PDSS2: variants seen among roughly 807,000 people sequenced by gnomAD.
The protein encoded by PDSS2 is decaprenyl diphosphate synthase subunit 2.
Under a neutral mutation model 44.5 loss-of-function variants are expected in PDSS2, and 31 were observed. The observed-to-expected ratio is 0.70, with a 90% CI of 0.52 to 0.94. The LOEUF (loss-of-function observed/expected upper bound fraction) is 0.94. PDSS2 is among the 40% of genes least tolerant of loss of function. The probability of loss-of-function intolerance (pLI) is 0.00; values close to 1 mark genes in which losing one functional copy is unlikely to be tolerated. For missense variants in PDSS2, 452 were observed against 482.2 expected (o/e 0.94, Z 0.59); for synonymous variants, 157 against 180.3 (o/e 0.87, Z 1.03).
At chr6:107,262,126 C>G (rs976751252) in intron 3 of PDSS2, among the ~76,000 whole-genome samples, 1 of 151,030 alleles carries the variant, frequency 6.6e-6, no homozygotes. Context: ...GCCAGGATGG[C>G]CTCGATCTCC....
intron 1 of PDSS2, among the ~76,000 whole-genome samples, chr6:107,334,545 GTTGTTGTTGTTT>G (rs1777817830): frequency 7.6e-6 from 1 of 132,050 alleles, no homozygotes; most frequent in African/African-American, 2.6e-5. Context: ...TGTTGTTGTT[GTTGTTGTTGTTT>G]TTGAGACAGG....
intron 1 of PDSS2, among the ~76,000 whole-genome samples, chr6:107,438,462 G>A (rs765983892): frequency 1.5e-4 from 23 of 152,182 alleles, no homozygotes; most frequent in Admixed American, 7.2e-4. Context: ...CAATCTACGC[G>A]CCTCGGCCTC....
intron 4 of PDSS2, among the ~76,000 whole-genome samples, chr6:107,245,331 C>T (rs1328622226): frequency 6.9e-6 from 1 of 145,922 alleles, no homozygotes; most frequent in East Asian, 2.1e-4. Flanking sequence ...GACTGTGAAT[C>T]CAGCCAGAGG....
chr6:107,392,513 T>C (rs1779816092), intron 1 of PDSS2, among the ~76,000 whole-genome samples: 1 of 152,190 alleles, frequency 6.6e-6, no homozygotes, highest in Non-Finnish European at 1.5e-5. Flanking sequence ...TAGATACAAT[T>C]TTAAAGTAAC....
chr6:107,290,759 C>T (rs1362834587), intron 2 of PDSS2, among the ~76,000 whole-genome samples: 2 of 152,174 alleles, frequency 1.3e-5, no homozygotes, highest in Admixed American at 1.3e-4. Flanking sequence ...CTTCCCTGGG[C>T]AAGCCATTTA....
At chr6:107,405,944 G>A (rs1317730499) in intron 1 of PDSS2, among the ~76,000 whole-genome samples, 2 of 151,820 alleles carry the variant, frequency 1.3e-5, no homozygotes, top group Non-Finnish European at 2.9e-5. Flanking sequence ...ACTAGAAATG[G>A]GTACAATGTA....
intron 1 of PDSS2, among the ~76,000 whole-genome samples, chr6:107,353,018 T>A (rs975961970): frequency 3.3e-5 from 5 of 152,220 alleles, no homozygotes; most frequent in African/African-American, 1.2e-4. Flanking sequence ...AACTATGTGC[T>A]CAATATGCAC....
chr6:107,442,846 C>T (rs1327937987), intron 1 of PDSS2, among the ~76,000 whole-genome samples: 3 of 152,200 alleles, frequency 2.0e-5, no homozygotes, highest in Non-Finnish European at 4.4e-5. Context: ...TCACTACTGC[C>T]TAAGTTTATA....
intron 1 of PDSS2, among the ~76,000 whole-genome samples, chr6:107,342,100 C>A (rs1042351162): frequency 3.3e-5 from 5 of 151,920 alleles, no homozygotes; most frequent in Admixed American, 6.6e-5. Context: ...TCACAGGACT[C>A]CCTGGCAAGG....
intron 7 of PDSS2, among the ~76,000 whole-genome samples, chr6:107,170,614 C>T (rs1392586198): frequency 1.0e-5 from 1 of 96,424 alleles, no homozygotes; most frequent in Non-Finnish European, 2.4e-5. Flanking sequence ...CCACCCCCCC[C>T]CCCCCACTTT....
At chr6:107,192,477 G>T in intron 7 of PDSS2, 1 of 419,474 alleles carries the variant, frequency 2.4e-6, no homozygotes, top group South Asian at 1.9e-5. Context: ...CTCCAAAAAA[G>T]CCAGAGACCA....
rs748640393 is a variant in PDSS2 at position 107,398,592 on chromosome 6, T to C, written c.296+60398A>G. Among the ~76,000 whole-genome samples the C allele has an allele frequency of 5.3e-5, 8 of 152,212 alleles. 1 individual carries two copies. Among genetic ancestry groups the C allele is most frequent in the Admixed American group, 3.3e-4 (5 of 15,286 alleles). ...AACCTAGCAAGTCTCCTAAGCACCA[T>C]GAGACTATAAGAGATTCAACTTGGC... On this transcript the variant is annotated intron_variant, in intron 1 of 7. Coordinates refer to ENST00000369037, the MANE Select transcript of PDSS2 (RefSeq NM_020381.4).
intron 5 of PDSS2, among the ~76,000 whole-genome samples, chr6:107,211,486 C>T (rs993580018): frequency 1.1e-4 from 17 of 151,440 alleles, no homozygotes; most frequent in Non-Finnish European, 2.2e-4. Flanking sequence ...AATCCCAGCA[C>T]TTTGGGAGGC....
At chr6:107,189,945 G>A (rs1772313847) in intron 7 of PDSS2, among the ~76,000 whole-genome samples, 2 of 152,150 alleles carry the variant, frequency 1.3e-5, no homozygotes, top group East Asian at 1.9e-4. Context: ...ATAGCCGGGT[G>A]TGGTGACACA....
chr6:107,281,262 A>C (rs1775951276), intron 2 of PDSS2, among the ~76,000 whole-genome samples: 1 of 152,030 alleles, frequency 6.6e-6, no homozygotes, highest in South Asian at 2.1e-4. Flanking sequence ...GTAGAGCAAA[A>C]AGAATTTTGA....
At chr6:107,442,512 A>G (rs1047790892) in intron 1 of PDSS2, among the ~76,000 whole-genome samples, 10 of 152,238 alleles carry the variant, frequency 6.6e-5, no homozygotes, top group African/African-American at 2.4e-4. Context: ...CCTCCCTGAG[A>G]GATGAGAAAC....
chr6:107,360,195 G>A (rs112723225), intron 1 of PDSS2, among the ~76,000 whole-genome samples: 119 of 152,288 alleles, frequency 7.8e-4, no homozygotes, highest in African/African-American at 2.7e-3. Context: ...AGATCAAGGC[G>A]CAAATAATTG....
chr6:107,226,413 T>C (rs1773823322), intron 4 of PDSS2, among the ~76,000 whole-genome samples: 1 of 152,064 alleles, frequency 6.6e-6, no homozygotes, highest in Non-Finnish European at 1.5e-5. Flanking sequence ...GAGACTGGGG[T>C]TTCTGGAGAT....
chr6:107,347,252 T>C (rs1009728430), intron 1 of PDSS2, among the ~76,000 whole-genome samples: 1 of 131,612 alleles, frequency 7.6e-6, no homozygotes, highest in African/African-American at 2.8e-5. Context: ...TAAAATTATA[T>C]CTTCTTTTTT....
Sources: allele counts gnomAD v4.1 joint callset (sites outside exome capture counted in the v4.1 genomes callset), GRCh38; gene constraint gnomAD v4.1.1; transcripts MANE v1.5; gene names NCBI Gene and HGNC (gene_info 2026-07-23, HGNC 2026-07-21).